The following SLC30A10 variants were observed in gnomAD, a reference collection of about 807,000 sequenced individuals.
SLC30A10 encodes the protein solute carrier family 30 member 10.
SLC30A10 carries 8 observed loss-of-function variants against 21.7 expected under a neutral mutation model. The observed-to-expected ratio is 0.37, with a 90% CI of 0.22 to 0.67. The LOEUF is 0.67. SLC30A10 is among the 30% of genes least tolerant of loss of function. SLC30A10 has a pLI of 0.58. For missense variants in SLC30A10, 521 were observed against 642.5 expected, an observed-to-expected ratio of 0.81 and a Z score of 2.04; for synonymous variants, 272 against 279.4, an observed-to-expected ratio of 0.97 and a Z score of 0.26.
chr1:219,958,795 C>T (rs2102550123), upstream of SLC30A10: 1 of 152,712 alleles, frequency 6.5e-6, no homozygotes, highest in South Asian at 2.1e-4. Flanking sequence ...AACATCTGCC[C>T]GAAGAAAGCC....
At chr1:219,950,450 T>C (rs1660252299) in intron 1 of SLC30A10, among the ~76,000 whole-genome samples, 1 of 151,806 alleles carries the variant, frequency 6.6e-6, no homozygotes, top group Non-Finnish European at 1.5e-5. Context: ...CCATCCTGGC[T>C]AACACAGTGA....
chr1:219,928,787 G>GA (rs534411366), upstream of SLC30A10: 210 of 217,326 alleles, frequency 9.7e-4, no homozygotes, highest in Non-Finnish European at 1.5e-3. The surrounding 1 kb of genome is among the most constrained non-coding windows in gnomAD (Gnocchi z 6.3). Flanking sequence ...CTGCGGAGGA[G>GA]AGGGGGCGTG....
chr1:219,944,110 AC>A (rs1222439256), intron 1 of SLC30A10, among the ~76,000 whole-genome samples: 24 of 146,680 alleles, frequency 1.6e-4, no homozygotes, highest in Non-Finnish European at 2.9e-4. Flanking sequence ...AAAAAAAAAA[AC>A]CTTCAATGGG....
intron 1 of SLC30A10, among the ~76,000 whole-genome samples, chr1:219,936,350 G>A (rs1312869859): frequency 6.6e-6 from 1 of 152,212 alleles, no homozygotes; most frequent in Non-Finnish European, 1.5e-5. Context: ...CAACCAACAT[G>A]AGTTCTAGAA....
intron 1 of SLC30A10, among the ~76,000 whole-genome samples, chr1:219,935,324 G>A (rs149132223): frequency 8.8e-4 from 134 of 152,228 alleles, no homozygotes; most frequent in African/African-American, 3.0e-3. Context: ...GCTAGATTTC[G>A]CCTTAATTTT....
In SLC30A10 at chr1:219,911,740, A is replaced by G. The variant is rs1659420120; in HGVS notation, c.*3709T>C. On this transcript the variant is annotated 3_prime_UTR_variant, in exon 4 of 4. Transcript: ENST00000366926. Reference sequence around the variant, plus strand: ...AAATTCTGCAGAATTAATTATTAAAAAGACTATGGGACTTTGGAGAGGCTT... The same window carrying G: ...AAATTCTGCAGAATTAATTATTAAAGAGACTATGGGACTTTGGAGAGGCTT... 6.6e-6 allele frequency among the ~76,000 whole-genome samples: 1 copy of G among 152,182 alleles called. No homozygotes were observed. The highest frequency in any genetic ancestry group is 2.1e-4 in the South Asian group (1 of 4,830).
At chr1:219,930,063 C>T (rs1412175248), upstream of SLC30A10, among the ~76,000 whole-genome samples, 2 of 152,132 alleles carry the variant, frequency 1.3e-5, no homozygotes, top group Admixed American at 6.5e-5. Flanking sequence ...CTCTATTCTC[C>T]TTCCCCATCC....
At chr1:219,917,946 C>T (rs112725546) in intron 3 of SLC30A10, among the ~76,000 whole-genome samples, 1 of 152,256 alleles carries the variant, frequency 6.6e-6, no homozygotes, top group African/African-American at 2.4e-5. Context: ...CTTCTGACCT[C>T]AGGTGACTCA....
intron 1 of SLC30A10, among the ~76,000 whole-genome samples, chr1:219,941,335 A>T (rs751836913): frequency 2.6e-5 from 4 of 152,198 alleles, no homozygotes; most frequent in Non-Finnish European, 5.9e-5. Context: ...TGTGAGCATG[A>T]GGGAGCAGCA....
intron 1 of SLC30A10, among the ~76,000 whole-genome samples, chr1:219,942,775 G>C (rs1047482617): frequency 6.6e-6 from 1 of 152,188 alleles, no homozygotes; most frequent in African/African-American, 2.4e-5. Context: ...GCTGGGCAAG[G>C]TGGCTCATGC....
At chr1:219,949,720 T>G (rs1266150038) in intron 1 of SLC30A10, among the ~76,000 whole-genome samples, 5 of 151,466 alleles carry the variant, frequency 3.3e-5, no homozygotes, top group South Asian at 2.1e-4. Context: ...CTGCACATTG[T>G]GCACATGTAC....
chr1:219,914,641 A>G lies in SLC30A10; in HGVS notation c.*808T>C, dbSNP rs1659490824. On this transcript the variant is annotated 3_prime_UTR_variant, in exon 4 of 4. Transcript: ENST00000366926. ...ATAAGTAAATCATTATCAAAGCACTAAATGAAAACAGCTCCAACTATACTG... is the reference window on the plus strand; with the variant it reads ...ATAAGTAAATCATTATCAAAGCACTGAATGAAAACAGCTCCAACTATACTG... The G allele has an allele frequency of 6.6e-6, 1 of 152,228 alleles. No individual in the cohort carries two copies. Among genetic ancestry groups the G allele is most frequent in the East Asian group, 1.9e-4 (1 of 5,198 alleles). 9.4% of individuals were successfully genotyped at this position (152,228 alleles called of 1,614,324 possible). A position where few individuals can be genotyped will look rare whatever the true frequency, so the allele number is the denominator to read the frequency against.
intron 1 of SLC30A10, among the ~76,000 whole-genome samples, chr1:219,937,736 C>G (rs535678227): frequency 3.9e-4 from 60 of 152,342 alleles, no homozygotes; most frequent in African/African-American, 1.4e-3. Context: ...TCGCTTGAAC[C>G]TGGAGGCGGA....
chr1:219,916,107 G>T (rs1166510521), intron 3 of SLC30A10, among the ~76,000 whole-genome samples, 159 bp from the exon 4 acceptor site: 4 of 152,278 alleles, frequency 2.6e-5, no homozygotes, highest in Non-Finnish European at 4.4e-5. Context: ...GGGTACATTT[G>T]CCCTTAACCT....
At chr1:219,922,906 C>T (rs1323339235) in intron 2 of SLC30A10, among the ~76,000 whole-genome samples, 2 of 152,072 alleles carry the variant, frequency 1.3e-5, no homozygotes, top group Admixed American at 6.6e-5. Context: ...CCCAAGGTCA[C>T]CTAGCTAGGA....
At chr1:219,949,112 G>T (rs1024401665) in intron 1 of SLC30A10, among the ~76,000 whole-genome samples, 10 of 152,152 alleles carry the variant, frequency 6.6e-5, no homozygotes, top group Non-Finnish European at 1.3e-4. Flanking sequence ...GGAAACAACA[G>T]GTGCTGGAGA....
intron 2 of SLC30A10, among the ~76,000 whole-genome samples, chr1:219,920,452 T>C (rs951840379): frequency 1.2e-4 from 19 of 152,292 alleles, no homozygotes; most frequent in African/African-American, 3.8e-4. Flanking sequence ...GATTGTCTCA[T>C]ACATGTTAGG....
upstream of SLC30A10, chr1:219,928,592 G>T (rs893816502): frequency 6.6e-6 from 4 of 603,446 alleles, no homozygotes; most frequent in Non-Finnish European, 5.3e-6. The surrounding 1 kb of genome is among the most constrained non-coding windows in gnomAD (Gnocchi z 6.3). Context: ...TTTTTATAAC[G>T]CGAGGCCGAG....
In SLC30A10 at chr1:219,915,575, G is replaced by A. The variant is rs372500708; in HGVS notation, c.1332C>T (p.Gly444=). 7 of 1,614,198 alleles carry A rather than the reference G, an allele frequency of 4.3e-6. No individual in the cohort carries two copies. In the African/African-American group the frequency reaches 8.0e-5, roughly 18 times the overall value. ...GPSLDTYGSD[G]LSRRDAREVA... is the part of the protein sequence containing the mutation. ...CTTCTCTTGCGTCTCTTCTACTGAGGCCATCACTTCCGTATGTGTCTAGAG... is the reference window on the plus strand; with the variant it reads ...CTTCTCTTGCGTCTCTTCTACTGAGACCATCACTTCCGTATGTGTCTAGAG... Residue 444 remains glycine, a synonymous_variant, in exon 4 of 4, where the codon GGC becomes GGT. Coordinates refer to ENST00000366926, the MANE Select transcript of SLC30A10 (RefSeq NM_018713.3).
Sources: gnomAD v4.1 joint callset for allele counts (sites outside exome capture counted in the v4.1 genomes callset) on GRCh38, gnomAD v4.1.1 for gene constraint, Gnocchi (gnomAD v3.1) non-coding constraint, MANE v1.5 for transcripts, NCBI Gene and HGNC (gene_info 2026-07-23, HGNC 2026-07-21) for gene names.